Variants in SOX6 observed in about 807,000 individuals in gnomAD.
SOX6 encodes transcription factor SOX-6.
In SOX6, 11 loss-of-function variants were observed where a neutral mutation model predicts 97.8. The observed-to-expected ratio is 0.11, with a 90% CI of 0.07 to 0.19. The LOEUF (loss-of-function observed/expected upper bound fraction) is 0.19. SOX6 is among the 10% of genes least tolerant of loss of function. The pLI, the probability that SOX6 is intolerant of heterozygous loss-of-function variation, is 1.00. For missense variants in SOX6, 810 were observed against 1,039.5 expected (o/e 0.78, Z 3.04); for synonymous variants, 360 against 371.4 (o/e 0.97, Z 0.35).
intron 9 of SOX6, among the ~76,000 whole-genome samples, chr11:16,062,031 A>G (rs1847968930): frequency 6.6e-6 from 1 of 151,842 alleles, no homozygotes; most frequent in South Asian, 2.1e-4. Flanking sequence ...AAAAACAAAA[A>G]TAGACAAATG....
chr11:16,345,753 A>C (rs566159066), intron 1 of SOX6, among the ~76,000 whole-genome samples: 2 of 152,068 alleles, frequency 1.3e-5, no homozygotes, highest in Non-Finnish European at 2.9e-5. Context: ...CTTTAAAAAC[A>C]GTTATTTTTA....
intron 6 of SOX6, among the ~76,000 whole-genome samples, chr11:16,141,612 T>C (rs1459650212): frequency 6.6e-6 from 1 of 152,150 alleles, no homozygotes; most frequent in Non-Finnish European, 1.5e-5. Flanking sequence ...TTCCCTTTCC[T>C]AGCCAAGGGA....
At chr11:16,450,376 C>T (rs533559210) in intron 1 of SOX6, among the ~76,000 whole-genome samples, 11 of 152,092 alleles carry the variant, frequency 7.2e-5, no homozygotes, top group South Asian at 6.2e-4. Flanking sequence ...ATTGTTGATA[C>T]GTTAACAACA....
chr11:16,176,440 T>C (rs1454377162), intron 6 of SOX6, among the ~76,000 whole-genome samples: 3 of 151,806 alleles, frequency 2.0e-5, no homozygotes, highest in Non-Finnish European at 4.4e-5. Context: ...AAAAAAGTTA[T>C]TAATATTAAA....
chr11:16,279,665 A>G (rs1854496440), intron 3 of SOX6, among the ~76,000 whole-genome samples: 1 of 152,112 alleles, frequency 6.6e-6, no homozygotes, highest in Non-Finnish European at 1.5e-5. Flanking sequence ...TATTTTAAAT[A>G]AGATATGCTA....
chr11:16,631,837 A>G (rs141712619), intron 3 of SOX6, among the ~76,000 whole-genome samples: 56 of 152,238 alleles, frequency 3.7e-4, no homozygotes, highest in African/African-American at 1.2e-3. Context: ...CTGGTCTTCA[A>G]GCTCTGAAAT....
chr11:16,392,590 A>G (rs1858218025), intron 1 of SOX6, among the ~76,000 whole-genome samples: 1 of 152,100 alleles, frequency 6.6e-6, no homozygotes, highest in Non-Finnish European at 1.5e-5. Context: ...GCAGATTAAA[A>G]TTCTTATTTT....
intron 4 of SOX6, among the ~76,000 whole-genome samples, chr11:16,564,956 T>TA (rs2133194427): frequency 6.6e-6 from 1 of 151,498 alleles, no homozygotes; most frequent in South Asian, 2.1e-4. Context: ...AAGAAAATGA[T>TA]AAAGAGCGGA....
chr11:16,555,731 C>T (rs2133188079), intron 4 of SOX6, among the ~76,000 whole-genome samples: 1 of 151,674 alleles, frequency 6.6e-6, no homozygotes, highest in East Asian at 1.9e-4. Context: ...AAAGTTAAAT[C>T]ACTGCAAAAG....
At chr11:16,484,270 A>C (rs1274587483) in intron 4 of SOX6, 2 of 1,105,974 alleles carry the variant, frequency 1.8e-6, no homozygotes, top group Admixed American at 1.7e-5. Context: ...TGTTGGTGTC[A>C]CTGGGAACCA....
intron 1 of SOX6, among the ~76,000 whole-genome samples, chr11:16,461,952 T>C (rs1447894924): frequency 6.6e-6 from 1 of 152,220 alleles, no homozygotes; most frequent in Non-Finnish European, 1.5e-5. Context: ...GCAGGGACTT[T>C]GTATAATACA....
At position 16,259,973 on chromosome 11, in the gene SOX6, G is replaced by A. The variant is rs374352010; in HGVS notation, c.446-25302C>T. On this transcript the variant is annotated intron_variant, in intron 3 of 15. Transcript: ENST00000683767. Reference sequence around the variant, plus strand: ...TGTGTGTGTGTGTGTGTGTGTGTGTGTATATATACACATATACATATATAT... The same window carrying A: ...TGTGTGTGTGTGTGTGTGTGTGTGTATATATATACACATATACATATATAT... Among the ~76,000 whole-genome samples the A allele has an allele frequency of 2.0e-3, 288 of 145,276 alleles. 3 individuals are homozygous for A. The highest frequency in any genetic ancestry group is 0.018 in the Middle Eastern group (5 of 284).
At chr11:16,295,393 T>C (rs1436908429) in intron 3 of SOX6, among the ~76,000 whole-genome samples, 1 of 152,016 alleles carries the variant, frequency 6.6e-6, no homozygotes, top group African/African-American at 2.4e-5. Flanking sequence ...TAAAACCTAA[T>C]AGCAATCTGA....
At chr11:16,378,827 C>T (rs1857719983) in intron 1 of SOX6, among the ~76,000 whole-genome samples, 1 of 151,816 alleles carries the variant, frequency 6.6e-6, no homozygotes, top group Non-Finnish European at 1.5e-5. Flanking sequence ...AAGTCTAAAT[C>T]ATATATGACA....
intron 12 of SOX6, among the ~76,000 whole-genome samples, chr11:16,027,505 C>A (rs1178402181): frequency 6.6e-6 from 1 of 152,164 alleles, no homozygotes. Flanking sequence ...GGACAAGAGC[C>A]TGCTTTAGTC....
At chr11:16,208,488 T>C (rs1171941699) in intron 4 of SOX6, among the ~76,000 whole-genome samples, 5 of 152,238 alleles carry the variant, frequency 3.3e-5, no homozygotes, top group Non-Finnish European at 7.3e-5. Context: ...GTCTTTGAAA[T>C]CAGAGTAGAC....
chr11:16,521,537 CAG>C (rs1861063310), intron 4 of SOX6, among the ~76,000 whole-genome samples: 1 of 152,088 alleles, frequency 6.6e-6, no homozygotes, highest in Non-Finnish European at 1.5e-5. Flanking sequence ...GGGAAAAAAA[CAG>C]AGCAGAAAAA....
intron 6 of SOX6, among the ~76,000 whole-genome samples, chr11:16,141,027 T>A (rs138721707): frequency 1.4e-4 from 21 of 151,844 alleles, no homozygotes; most frequent in Middle Eastern, 6.8e-3. Context: ...GACAGGAGAA[T>A]CACTTGAACC....
At chr11:16,323,713 A>T (rs1368791869) in intron 2 of SOX6, among the ~76,000 whole-genome samples, 1 of 152,124 alleles carries the variant, frequency 6.6e-6, no homozygotes, top group Non-Finnish European at 1.5e-5. Context: ...GCATTTAATA[A>T]TATACTGGAA....
Sources: allele counts gnomAD v4.1 joint callset (sites outside exome capture counted in the v4.1 genomes callset), GRCh38; gene constraint gnomAD v4.1.1; transcripts MANE v1.5; gene names NCBI Gene and HGNC (gene_info 2026-07-23, HGNC 2026-07-21).